The following ERBB4 variants were observed in gnomAD, a reference collection of about 807,000 sequenced individuals.
ERBB4 encodes erb-b2 receptor tyrosine kinase 4.
Under a neutral mutation model 158.0 loss-of-function variants are expected in ERBB4, and 42 were observed. The ratio of observed to expected loss-of-function variants is 0.27; its 90% CI spans 0.21 to 0.34. The LOEUF is 0.34. ERBB4 is among the 10% of genes least tolerant of loss of function. The pLI is 1.00. For synonymous variants in ERBB4, 583 were observed against 558.7 expected (o/e 1.04, Z -0.61); for missense variants, 1,333 against 1,624.1 (o/e 0.82, Z 3.08).
chr2:211,713,694 T>C (rs2073794350), intron 7 of ERBB4, 46 bp from the exon 8 acceptor site: 1 of 1,128,832 alleles, frequency 8.9e-7, no homozygotes, highest in Non-Finnish European at 1.3e-6. Flanking sequence ...AATGTTAACA[T>C]TCAGCAAACA....
chr2:211,724,548 CAA>C (rs1207373197), intron 6 of ERBB4, among the ~76,000 whole-genome samples: 1 of 151,712 alleles, frequency 6.6e-6, no homozygotes, highest in South Asian at 2.1e-4. Flanking sequence ...ATGCCAAAGA[CAA>C]AGAGTACTGT....
chr2:212,226,287 G>A (rs561072726), intron 1 of ERBB4, among the ~76,000 whole-genome samples: 41 of 152,198 alleles, frequency 2.7e-4, no homozygotes, highest in Admixed American at 2.0e-3. Flanking sequence ...GAGGACATCA[G>A]TCACCAGATG....
intron 5 of ERBB4, among the ~76,000 whole-genome samples, chr2:211,743,592 T>A (rs1257463114): frequency 6.6e-6 from 1 of 152,224 alleles, no homozygotes; most frequent in Non-Finnish European, 1.5e-5. Flanking sequence ...GTCTCTCTCA[T>A]ACCTAAAACC....
intron 1 of ERBB4, among the ~76,000 whole-genome samples, chr2:212,373,501 T>C (rs1310558002): frequency 2.0e-5 from 3 of 151,926 alleles, no homozygotes. Flanking sequence ...TCAAGGATTA[T>C]TTCAGAATTT....
chr2:212,317,894 A>T (rs541648412), intron 1 of ERBB4, among the ~76,000 whole-genome samples: 18 of 151,778 alleles, frequency 1.2e-4, no homozygotes, highest in Admixed American at 3.3e-4. Flanking sequence ...TAGAAACTAC[A>T]GAATCACTTT....
intron 20 of ERBB4, among the ~76,000 whole-genome samples, chr2:211,548,352 A>C (rs1168650099): frequency 6.6e-6 from 1 of 151,952 alleles, no homozygotes; most frequent in Non-Finnish European, 1.5e-5. Flanking sequence ...AAAAAAAAAA[A>C]AACCTTGGGA....
intron 19 of ERBB4, among the ~76,000 whole-genome samples, chr2:211,564,350 A>C (rs1192781780): frequency 6.6e-6 from 1 of 152,212 alleles, no homozygotes; most frequent in African/African-American, 2.4e-5. Flanking sequence ...CTTAGACTAC[A>C]CATCTCCTTC....
chr2:211,448,228 C>T (rs1027520732), intron 20 of ERBB4, among the ~76,000 whole-genome samples: 4 of 152,248 alleles, frequency 2.6e-5, no homozygotes, highest in African/African-American at 9.6e-5. Flanking sequence ...CCGCCTCAGC[C>T]TCCCAAAGTA....
chr2:211,563,806 T>C (rs954502619), intron 19 of ERBB4, among the ~76,000 whole-genome samples: 11 of 152,174 alleles, frequency 7.2e-5, no homozygotes, highest in African/African-American at 1.2e-4. Flanking sequence ...CGTATCTATG[T>C]TTTTGATGTG....
At chr2:211,463,695 C>A (rs1301029602) in intron 20 of ERBB4, among the ~76,000 whole-genome samples, 2 of 118,548 alleles carry the variant, frequency 1.7e-5, no homozygotes, top group Non-Finnish European at 3.9e-5. Flanking sequence ...CATTTTAAAA[C>A]AAGTATCCTC....
At chr2:211,688,843 A>C (rs2072681236) in intron 12 of ERBB4, among the ~76,000 whole-genome samples, 1 of 152,190 alleles carries the variant, frequency 6.6e-6, no homozygotes, top group South Asian at 2.1e-4. Flanking sequence ...AAGAACAGAG[A>C]CTAAATGGAA....
intron 20 of ERBB4, among the ~76,000 whole-genome samples, chr2:211,455,234 T>C (rs115347914): frequency 0.019 from 2,919 of 152,354 alleles, 110 homozygotes; most frequent in African/African-American, 0.066. Context: ...AAATTTAGCA[T>C]TGCATAATCT....
chr2:212,211,594 C>CT (rs1393085675), intron 1 of ERBB4, among the ~76,000 whole-genome samples: 1 of 142,180 alleles, frequency 7.0e-6, no homozygotes, highest in African/African-American at 2.7e-5. Flanking sequence ...GTTTCCATTT[C>CT]TTTCTTTTTT....
At position 211,416,815 on chromosome 2, in the gene ERBB4, T is replaced by C. The variant is rs955883681; in HGVS notation, c.3135+3626A>G. Reference sequence around the variant, plus strand: ...TGAGGGCATAGATGAAGCCTTCCCTTTTTTTTTTTTTTTTTAACCCTACAC... The same window carrying C: ...TGAGGGCATAGATGAAGCCTTCCCTCTTTTTTTTTTTTTTTAACCCTACAC... On this transcript the variant is annotated intron_variant, in intron 25 of 27. Coordinates refer to ENST00000342788, the MANE Select transcript of ERBB4 (RefSeq NM_005235.3). Among the ~76,000 whole-genome samples, 231 of 86,424 alleles carry C rather than the reference T, an allele frequency of 2.7e-3. 1 individual carries two copies. In the African/African-American group the frequency reaches 0.027, roughly 10 times the overall value. 56.7% of individuals were successfully genotyped at this position (86,424 alleles called of 152,430 possible). A position where few individuals can be genotyped will look rare whatever the true frequency, so the allele number is the denominator to read the frequency against.
intron 1 of ERBB4, among the ~76,000 whole-genome samples, chr2:212,204,017 AATGTTC>A (rs1342326305): frequency 2.6e-5 from 4 of 152,230 alleles, no homozygotes; most frequent in Non-Finnish European, 4.4e-5. Flanking sequence ...AACATGCATG[AATGTTC>A]TAAAATTATA....
At chr2:212,269,355 A>ATT (rs2085261900) in intron 1 of ERBB4, among the ~76,000 whole-genome samples, 1 of 151,748 alleles carries the variant, frequency 6.6e-6, no homozygotes, top group Admixed American at 6.6e-5. Context: ...AGTATGCCCA[A>ATT]TTCATACCTT....
chr2:212,382,419 T>A (rs1337257697), intron 1 of ERBB4, among the ~76,000 whole-genome samples: 3 of 150,946 alleles, frequency 2.0e-5, no homozygotes, highest in Admixed American at 6.7e-5. Flanking sequence ...TTTCCTGCAA[T>A]AAAACAACTT....
chr2:212,236,009 T>C (rs559987514), intron 1 of ERBB4, among the ~76,000 whole-genome samples: 44 of 152,228 alleles, frequency 2.9e-4, no homozygotes, highest in Non-Finnish European at 5.1e-4. Flanking sequence ...CTATGTTGAA[T>C]AGGAGTGATG....
chr2:211,737,529 G>A, intron 5 of ERBB4, among the ~76,000 whole-genome samples: 1 of 152,272 alleles, frequency 6.6e-6, no homozygotes, highest in African/African-American at 2.4e-5. Context: ...GTTCTCTGGA[G>A]ATGACTTTAC....
Sources: allele counts gnomAD v4.1 joint callset (sites outside exome capture counted in the v4.1 genomes callset), GRCh38; gene constraint gnomAD v4.1.1; transcripts MANE v1.5; gene names NCBI Gene and HGNC (gene_info 2026-07-23, HGNC 2026-07-21).